AKNA: variants seen among roughly 807,000 people sequenced by gnomAD.
The protein encoded by AKNA is AT-hook transcription factor.
A neutral mutation model predicts 138.8 loss-of-function variants in AKNA; 67 were observed. That is an observed-to-expected ratio of 0.48 (90% CI 0.40 to 0.59). The LOEUF (loss-of-function observed/expected upper bound fraction) is 0.59, where lower values mean the gene tolerates loss of function less well. Ranked by LOEUF, AKNA falls within the 20% of genes least tolerant of loss-of-function variation. The pLI is 0.00. For missense variants in AKNA, 1,813 were observed against 1,880.4 expected (o/e 0.96, Z 0.66); for synonymous variants, 737 against 754.4 (o/e 0.98, Z 0.38).
chr9:114,351,698 G>T (rs1352071609), intron 14 of AKNA, among the ~76,000 whole-genome samples: 5 of 151,748 alleles, frequency 3.3e-5, no homozygotes, highest in Admixed American at 3.3e-4. Context: ...GGATGTGGAA[G>T]TATGCCCCTT....
upstream of AKNA, among the ~76,000 whole-genome samples, chr9:114,397,852 T>G (rs897859838): frequency 2.6e-5 from 4 of 152,138 alleles, no homozygotes; most frequent in Admixed American, 2.6e-4. Context: ...TTGTTCTACC[T>G]TCCCCCCCGC....
intron 5 of AKNA, chr9:114,368,069 G>T (rs1832499314): frequency 3.5e-6 from 1 of 287,232 alleles, no homozygotes; most frequent in African/African-American, 2.2e-5. Context: ...TGGCTGTCAT[G>T]GGTGTGACAA....
rs956441641 is a variant in AKNA at position 114,376,751 on chromosome 9, C to G, written c.1056G>C (p.Gly352=). 3.1e-6 allele frequency: 5 copies of G among 1,612,406 alleles called. No homozygotes were observed. The highest frequency in any genetic ancestry group is 4.2e-6 in the Non-Finnish European group (5 of 1,179,036). The stretch of plus-strand genomic sequence containing the variant: ...AATCAGGGAGTGGGTAGTTCAACTG[C>G]CCCCGGCCATACTTGGGGGCATTAG... The part of the protein sequence containing the change: ...SSSNAPKYGR[G]QLNYPLPDFS... The change falls in exon 3 of 22, where the codon GGG becomes GGC. Residue 352 remains glycine (G), a synonymous_variant. Transcript: ENST00000374088.
chr9:114,395,697 G>A (rs1202438146), upstream of AKNA, among the ~76,000 whole-genome samples: 1 of 146,562 alleles, frequency 6.8e-6, no homozygotes, highest in African/African-American at 2.5e-5. Flanking sequence ...AGCAAGGCTG[G>A]TCTTCCATCC....
intron 1 of AKNA, among the ~76,000 whole-genome samples, chr9:114,384,999 G>A (rs906498349): frequency 2.6e-5 from 4 of 152,090 alleles, no homozygotes; most frequent in Non-Finnish European, 4.4e-5. Context: ...ACAGGTATGC[G>A]CCACCATGCC....
intron 12 of AKNA, among the ~76,000 whole-genome samples, chr9:114,357,181 G>T (rs1008742286): frequency 6.6e-6 from 1 of 152,068 alleles, no homozygotes; most frequent in East Asian, 1.9e-4. Flanking sequence ...TGCACCCCAG[G>T]AGGACCCTCA....
chr9:114,331,707 C>G (rs1300614813), downstream of AKNA: 2 of 1,593,172 alleles, frequency 1.3e-6, no homozygotes, highest in African/African-American at 2.7e-5. Flanking sequence ...AACTCATGCC[C>G]CTCTCAGGCC....
intron 15 of AKNA, among the ~76,000 whole-genome samples, chr9:114,348,360 C>G (rs900122873): frequency 5.3e-5 from 8 of 152,214 alleles, no homozygotes; most frequent in African/African-American, 1.4e-4. Context: ...CCCACACAGA[C>G]AGTGAGCCGC....
chr9:114,359,964 CTGTGG>C lies in AKNA; in HGVS notation c.2218_2222del (p.Pro740GlyfsTer53). On this transcript the variant is annotated frameshift_variant, in exon 10 of 22. Coordinates refer to ENST00000374088, the MANE Select transcript of AKNA (RefSeq NM_001317950.2). LOFTEE classifies it high-confidence loss of function. Reference sequence around the variant, plus strand: ...TGTGCCTGAGTCGGGCCAGGGGGTCCTGTGGCCTGTCCTCCACCTCACTGTTGCCA... The same window carrying C: ...TGTGCCTGAGTCGGGCCAGGGGGTCCCCTGTCCTCCACCTCACTGTTGCCA... 6.2e-7 allele frequency: 1 copy of C among 1,614,218 alleles called. No homozygotes were observed. The highest frequency in any genetic ancestry group is 8.5e-7 in the Non-Finnish European group (1 of 1,180,042).
chr9:114,377,602 C>T, intron 2 of AKNA, 70 bp from the exon 3 acceptor site: 1 of 1,417,472 alleles, frequency 7.1e-7, no homozygotes, highest in South Asian at 1.4e-5. Flanking sequence ...TACCCTAAGT[C>T]ACTTCAACTC....
chr9:114,361,864 A>G lies in AKNA; in HGVS notation c.1964T>C (p.Leu655Pro), dbSNP rs1288268412. 1.9e-6 allele frequency: 3 copies of G among 1,609,176 alleles called. No homozygotes were observed. Among genetic ancestry groups the G allele is most frequent in the Non-Finnish European group, 2.5e-6 (3 of 1,179,976 alleles). Residue 655 changes from leucine to proline, a missense_variant, in exon 9 of 22, where the codon CTG becomes CCG. Physicochemically the swap from Leu to Pro is moderately conservative, Grantham distance 98. Coordinates refer to ENST00000374088, the MANE Select transcript of AKNA (RefSeq NM_001317950.2). ...IYRLGSCLEELKEHIDQTQQE... is the reference protein window; with the variant it reads ...IYRLGSCLEEPKEHIDQTQQE... ...CTGGGTCTGGTCTATGTGTTCCTTCAGCTCTTCCAGGCAGCTTCCCAGACG... is the reference window on the plus strand; with the variant it reads ...CTGGGTCTGGTCTATGTGTTCCTTCGGCTCTTCCAGGCAGCTTCCCAGACG...
rs889107328 is a variant in AKNA at position 114,339,249 on chromosome 9, C to T, written c.4068-1943G>A. 9.8e-4 allele frequency among the ~76,000 whole-genome samples: 149 copies of T among 152,170 alleles called. 1 individual carries two copies. The highest frequency in any genetic ancestry group is 3.4e-3 in the African/African-American group (141 of 41,428). ...AAAGTCCCTCTGGGCTGGAAAGTCTCGGCTGCAGGGGCTATGGGACGGCTG... is the reference window on the plus strand; with the variant it reads ...AAAGTCCCTCTGGGCTGGAAAGTCTTGGCTGCAGGGGCTATGGGACGGCTG... On this transcript the variant is annotated intron_variant, in intron 21 of 21. Transcript: ENST00000374088.
chr9:114,342,217 C>T, intron 19 of AKNA, 92 bp from the exon 20 acceptor site: 1 of 914,732 alleles, frequency 1.1e-6, no homozygotes, highest in Non-Finnish European at 1.6e-6. Flanking sequence ...ACTGAGCTCT[C>T]CTCGGGACCC....
chr9:114,390,014 T>C (rs188661950), upstream of AKNA, among the ~76,000 whole-genome samples: 1,393 of 152,266 alleles, frequency 9.1e-3, 9 homozygotes, highest in Non-Finnish European at 0.014. Context: ...TGTGTGCCAT[T>C]GTGCAAGGGG....
intron 3 of AKNA, among the ~76,000 whole-genome samples, chr9:114,375,312 G>A (rs1564650992): frequency 6.6e-6 from 1 of 152,206 alleles, no homozygotes. Context: ...CACGGCAGAA[G>A]TAAGAAGGAG....
chr9:114,357,953 G>A lies in AKNA; in HGVS notation c.2707C>T (p.Pro903Ser), dbSNP rs771539342. 6.2e-7 allele frequency: 1 copy of A among 1,602,026 alleles called. No individual in the cohort carries two copies. The highest frequency in any genetic ancestry group is 8.5e-7 in the Non-Finnish European group (1 of 1,176,124). Residue 903 changes from proline (P) to serine (S), a missense_variant, in exon 12 of 22, where the codon CCT (proline) becomes TCT (serine). Transcript: ENST00000374088. ...TGGGGCCCACCGCCTCGGTGCAAAGGCTTCTGTGGAAGGCGCTCAGAGATG... is the reference window on the plus strand; with the variant it reads ...TGGGGCCCACCGCCTCGGTGCAAAGACTTCTGTGGAAGGCGCTCAGAGATG... ...SGISERLPQK[P>S]LHRGGGPHLE...
At chr9:114,383,043 C>T (rs1325801010) in intron 1 of AKNA, 14 of 430,158 alleles carry the variant, frequency 3.3e-5, no homozygotes, top group Middle Eastern at 3.8e-4. Flanking sequence ...GAGCTGGGGG[C>T]GGGGAGCAAG....
chr9:114,350,756 T>A, intron 15 of AKNA, 103 bp downstream of exon 15: 6 of 1,328,232 alleles, frequency 4.5e-6, no homozygotes, highest in Non-Finnish European at 6.1e-6. Context: ...CACCACCATC[T>A]GTGTGAGCTG....
At chr9:114,360,083 A>G (rs988933409) in intron 9 of AKNA, 21 bp from the exon 10 acceptor site, 29 of 1,614,014 alleles carry the variant, frequency 1.8e-5, no homozygotes, top group Non-Finnish European at 2.5e-5. Context: ...AAAGATGGAC[A>G]GACAGAGATT....
Sources: allele counts gnomAD v4.1 joint callset (sites outside exome capture counted in the v4.1 genomes callset), GRCh38; gene constraint gnomAD v4.1.1; transcripts MANE v1.5; gene names NCBI Gene and HGNC (gene_info 2026-07-23, HGNC 2026-07-21).